The following ANKDD1B variants were observed in gnomAD, a reference collection of about 807,000 sequenced individuals.
ANKDD1B encodes the protein ankyrin repeat and death domain-containing protein 1B.
A neutral mutation model predicts 59.7 loss-of-function variants in ANKDD1B; 57 were observed. That is an observed-to-expected ratio of 0.95 (90% CI 0.77 to 1.19). The LOEUF (loss-of-function observed/expected upper bound fraction) is 1.19. Ranked by LOEUF, ANKDD1B falls within the 50% of genes most tolerant of loss-of-function variation. ANKDD1B has a pLI of 0.00. For missense variants in ANKDD1B, 602 were observed against 641.9 expected (o/e 0.94, Z 0.67); for synonymous variants, 216 against 239.5 (o/e 0.90, Z 0.91).
At chr5:75,634,637 CTGA>C in intron 5 of ANKDD1B, 1 of 318,752 alleles carries the variant, frequency 3.1e-6, no homozygotes, top group Admixed American at 4.2e-5. Flanking sequence ...TGCACCTCTC[CTGA>C]TGCTTGAGAG....
chr5:75,611,956 G>A (rs1375445118), intron 1 of ANKDD1B, 129 bp downstream of exon 1: 2 of 726,104 alleles, frequency 2.8e-6, no homozygotes, highest in African/African-American at 3.7e-5. Flanking sequence ...ACTCAGCCCT[G>A]GGACCCCGAG....
At chr5:75,616,557 T>C (rs567502512) in intron 1 of ANKDD1B, among the ~76,000 whole-genome samples, 2 of 152,338 alleles carry the variant, frequency 1.3e-5, no homozygotes, top group East Asian at 3.9e-4. Context: ...AGGGTGGTCC[T>C]CATGAATAAT....
In ANKDD1B at chr5:75,671,741, A is replaced by G. The variant is rs1775491658; in HGVS notation, c.*701A>G. 1 of 149,540 alleles carries G rather than the reference A, an allele frequency of 6.7e-6. No individual in the cohort carries two copies. The highest frequency in any genetic ancestry group is 2.5e-5 in the African/African-American group (1 of 40,576). 9.3% of individuals were successfully genotyped at this position (149,540 alleles called of 1,614,324 possible). A position where few individuals can be genotyped will look rare whatever the true frequency, so the allele number is the denominator to read the frequency against. Reference sequence around the variant, plus strand: ...TCTCTTGGTGATGTAATTACAGATGATTATTTTCTTTGTACTTTTGGGTAC... The same window carrying G: ...TCTCTTGGTGATGTAATTACAGATGGTTATTTTCTTTGTACTTTTGGGTAC... On this transcript the variant is annotated 3_prime_UTR_variant, in exon 14 of 14. Transcript: ENST00000601380.
At chr5:75,662,852 T>C (rs961806006) in intron 10 of ANKDD1B, among the ~76,000 whole-genome samples, 1 of 152,108 alleles carries the variant, frequency 6.6e-6, no homozygotes, top group South Asian at 2.1e-4. Context: ...AAAAAATTTC[T>C]AGTTAGGGGT....
intron 11 of ANKDD1B, among the ~76,000 whole-genome samples, chr5:75,664,789 A>G (rs907002574): frequency 2.6e-5 from 4 of 152,250 alleles, no homozygotes; most frequent in African/African-American, 7.2e-5. Context: ...TGAAAACCAT[A>G]TATAAAACAT....
In ANKDD1B at chr5:75,611,824, C is replaced by G; in HGVS notation, c.190C>G (p.Leu64Val). 1 of 1,231,898 alleles carries G rather than the reference C, an allele frequency of 8.1e-7. No homozygotes were observed. Among genetic ancestry groups the G allele is most frequent in the Non-Finnish European group, 1.0e-6 (1 of 988,160 alleles). 76.3% of individuals were successfully genotyped at this position (1,231,898 alleles called of 1,614,324 possible). A position where few individuals can be genotyped will look rare whatever the true frequency, so the allele number is the denominator to read the frequency against. Residue 64 changes from leucine (L) to valine (V), a missense_variant, in exon 1 of 14, where the codon CTC becomes GTC. This residue lies in a region of ANKDD1B where 317 missense variants were observed against 304.6 expected (regional missense o/e 1.04). Coordinates refer to ENST00000601380, the MANE Select transcript of ANKDD1B (RefSeq NM_001276713.2). The part of the protein sequence containing the change: ...EEDTAVAGHE[L>V]LLPNERSFQN... Reference sequence around the variant, plus strand: ...GGACACAGCAGTTGCCGGACACGAGCTCCGTGAGTCCCGGGACGAGGTCTC... The same window carrying G: ...GGACACAGCAGTTGCCGGACACGAGGTCCGTGAGTCCCGGGACGAGGTCTC...
chr5:75,614,677 C>T (rs1252431497), intron 1 of ANKDD1B, among the ~76,000 whole-genome samples: 1 of 152,202 alleles, frequency 6.6e-6, no homozygotes, highest in Non-Finnish European at 1.5e-5. Context: ...CATGCCATCA[C>T]TTGTGCTTTC....
chr5:75,653,042 A>T, intron 7 of ANKDD1B, 100 bp from the exon 8 acceptor site: 1 of 793,058 alleles, frequency 1.3e-6, no homozygotes, highest in Non-Finnish European at 2.1e-6. Context: ...CTGTAGTTGT[A>T]CTATTTCATT....
chr5:75,628,496 G>T (rs956229886), intron 5 of ANKDD1B, among the ~76,000 whole-genome samples: 3 of 152,134 alleles, frequency 2.0e-5, no homozygotes, highest in Non-Finnish European at 2.9e-5. Flanking sequence ...CTGCTTAAAG[G>T]TATTGTGGAG....
intron 5 of ANKDD1B, among the ~76,000 whole-genome samples, chr5:75,634,232 A>T (rs1468828452): frequency 1.3e-5 from 2 of 152,248 alleles, no homozygotes; most frequent in Non-Finnish European, 2.9e-5. Flanking sequence ...GAATTCCATA[A>T]TCAGAAAATT....
intron 8 of ANKDD1B, among the ~76,000 whole-genome samples, chr5:75,654,243 T>C (rs756871511): frequency 6.6e-6 from 1 of 152,138 alleles, no homozygotes; most frequent in Non-Finnish European, 1.5e-5. Context: ...CTGTGGTCTC[T>C]CTTCCATCCA....
intron 7 of ANKDD1B, among the ~76,000 whole-genome samples, chr5:75,648,725 C>T (rs575532015): frequency 7.2e-5 from 11 of 152,266 alleles, no homozygotes; most frequent in African/African-American, 2.6e-4. Flanking sequence ...TCTGTCCAAC[C>T]CAGTGAAAAC....
chr5:75,635,287 C>T (rs1334832821), intron 6 of ANKDD1B: 2 of 272,170 alleles, frequency 7.3e-6, no homozygotes, highest in Admixed American at 9.2e-5. Flanking sequence ...CATGAGGTCT[C>T]CTGGAGGCTC....
chr5:75,619,401 CT>C (rs1167358126), intron 2 of ANKDD1B, among the ~76,000 whole-genome samples: 3 of 152,168 alleles, frequency 2.0e-5, no homozygotes, highest in Non-Finnish European at 2.9e-5. Context: ...CCTTTGTCTT[CT>C]TTTACTTCCC....
intron 9 of ANKDD1B, among the ~76,000 whole-genome samples, chr5:75,658,661 CT>C (rs1436331983): frequency 6.6e-6 from 1 of 152,102 alleles, no homozygotes; most frequent in Non-Finnish European, 1.5e-5. Context: ...ATTTTTGTCT[CT>C]TTCTCTATGT....
In ANKDD1B at chr5:75,635,791, A is replaced by G. The variant is rs1001967774; in HGVS notation, c.707A>G (p.Asn236Ser). ...AGTGTGTCTCTGTTGCAGGGGGGAA[A>G]CACTGCCTTGCACCTCGCTGCGAAG... is the stretch of plus-strand genomic sequence containing the variant. ...LHTSEKDKGGNTALHLAAKHG... is the reference protein window; with the variant it reads ...LHTSEKDKGGSTALHLAAKHG... The change falls in exon 7 of 14, where the codon AAC (asparagine) becomes AGC (serine). Residue 236 changes from asparagine (N) to serine (S), a missense_variant. By Grantham distance (46) the Asn-to-Ser change is conservative. Transcript: ENST00000601380. 7 of 1,529,832 alleles carry G rather than the reference A, an allele frequency of 4.6e-6. No homozygotes were observed. Among genetic ancestry groups the G allele is most frequent in the Admixed American group, 3.9e-5 (2 of 50,848 alleles). 94.8% of individuals were successfully genotyped at this position (1,529,832 alleles called of 1,614,324 possible). A position where few individuals can be genotyped will look rare whatever the true frequency, so the allele number is the denominator to read the frequency against.
At chr5:75,624,034 C>T (rs769265423) in intron 3 of ANKDD1B, among the ~76,000 whole-genome samples, 1 of 152,210 alleles carries the variant, frequency 6.6e-6, no homozygotes, top group Non-Finnish European at 1.5e-5. Flanking sequence ...GTCATTTACT[C>T]ATACTGTGTA....
Position 75,616,818 on chromosome 5 carries a change from A to T in ANKDD1B, c.208A>T (p.Arg70Ter), listed in dbSNP as rs1243366218. 3 of 1,520,492 alleles carry T rather than the reference A, an allele frequency of 2.0e-6. No individual in the cohort carries two copies. The African/African-American group carries it at 4.1e-5, about 21-fold the overall frequency. 94.2% of individuals were successfully genotyped at this position (1,520,492 alleles called of 1,614,324 possible). A position where few individuals can be genotyped will look rare whatever the true frequency, so the allele number is the denominator to read the frequency against. Reference sequence around the variant, plus strand: ...CTTTCTTTCAGTACTCCCAAATGAGAGAAGCTTTCAGAATGCTGCTAAAAG... The same window carrying T: ...CTTTCTTTCAGTACTCCCAAATGAGTGAAGCTTTCAGAATGCTGCTAAAAG... ...AGHELLLPNE[R>*]SFQNAAKSNN... Residue 70 changes from arginine (R) to a stop codon, truncating the protein, a stop_gained, in exon 2 of 14, where the codon AGA (arginine) becomes TGA (stop). Coordinates refer to ENST00000601380, the MANE Select transcript of ANKDD1B (RefSeq NM_001276713.2). LOFTEE classifies it high-confidence loss of function.
intron 3 of ANKDD1B, among the ~76,000 whole-genome samples, chr5:75,622,580 G>A (rs1316304791): frequency 6.6e-6 from 1 of 152,184 alleles, no homozygotes; most frequent in Non-Finnish European, 1.5e-5. Context: ...GGTGCAAGTG[G>A]TGCTCAGAGG....
Sources: allele counts gnomAD v4.1 joint callset (sites outside exome capture counted in the v4.1 genomes callset), GRCh38; gene constraint gnomAD v4.1.1; regional missense constraint gnomAD v4.1.1; transcripts MANE v1.5; gene names NCBI Gene and HGNC (gene_info 2026-07-23, HGNC 2026-07-21).